PRKCB: variants seen among roughly 807,000 people sequenced by gnomAD.
PRKCB encodes the protein protein kinase C beta type.
PRKCB carries 13 observed loss-of-function variants against 81.5 expected under a neutral mutation model. That is an observed-to-expected ratio of 0.16 (90% CI 0.10 to 0.25). PRKCB has a LOEUF of 0.25. Among genes scored for constraint, PRKCB ranks in the 10% least tolerant of loss-of-function variants. The pLI, the probability that PRKCB is intolerant of heterozygous loss-of-function variation, is 1.00. For synonymous variants in PRKCB, 335 were observed against 321.4 expected (o/e 1.04, Z -0.45); for missense variants, 509 against 875.7 (o/e 0.58, Z 5.29).
At chr16:24,206,844 A>G (rs141294392) in intron 16 of PRKCB, among the ~76,000 whole-genome samples, 1,841 of 152,366 alleles carry the variant, frequency 0.012, 22 homozygotes, top group South Asian at 0.024. Flanking sequence ...TGCTCGGCAG[A>G]GGATCTACAA....
intron 2 of PRKCB, among the ~76,000 whole-genome samples, chr16:23,964,772 T>A (rs761244670): frequency 6.6e-6 from 1 of 151,104 alleles, no homozygotes; most frequent in Non-Finnish European, 1.5e-5. Context: ...GGGGTTCAAG[T>A]GATTCTCCTG....
chr16:24,070,441 G>T (rs900508461), intron 5 of PRKCB, among the ~76,000 whole-genome samples: 6 of 152,072 alleles, frequency 3.9e-5, no homozygotes, highest in African/African-American at 1.4e-4. Flanking sequence ...GAGCCGTTGC[G>T]CCCGGCCTTG....
At position 23,865,543 on chromosome 16, in the gene PRKCB, GTGTGTGTGTGTGTGTGTGTGTGTGTGTA is replaced by G. The variant is rs1446074028; in HGVS notation, c.205+28139_205+28166del. Among the ~76,000 whole-genome samples, 109 of 59,080 alleles carry G rather than the reference GTGTGTGTGTGTGTGTGTGTGTGTGTGTA, an allele frequency of 1.8e-3. 6 individuals carry two copies. Among genetic ancestry groups the G allele is most frequent in the African/African-American group, 3.0e-3 (40 of 13,342 alleles). 38.8% of individuals were successfully genotyped at this position (59,080 alleles called of 152,430 possible). A position where few individuals can be genotyped will look rare whatever the true frequency, so the allele number is the denominator to read the frequency against. ...TGTGTGTGTGTGTGTGTGTGTGTGT[GTGTGTGTGTGTGTGTGTGTGTGTGTGTA>G]TATGTATATTTAAATTTTTATATAT... On this transcript the variant is annotated intron_variant, in intron 2 of 16. Transcript: ENST00000643927.
chr16:24,165,618 A>G (rs890980147), intron 10 of PRKCB, among the ~76,000 whole-genome samples: 8 of 152,318 alleles, frequency 5.3e-5, no homozygotes, highest in Non-Finnish European at 1.0e-4. Context: ...AACACATTGC[A>G]TTTATTTTTA....
intron 2 of PRKCB, among the ~76,000 whole-genome samples, chr16:23,950,577 G>A (rs907358477): frequency 6.6e-6 from 1 of 152,156 alleles, no homozygotes; most frequent in African/African-American, 2.4e-5. Context: ...AATAGGCTGA[G>A]GTCTGTAGGG....
chr16:24,116,490 A>G (rs1292236052), intron 8 of PRKCB, among the ~76,000 whole-genome samples: 3 of 152,190 alleles, frequency 2.0e-5, no homozygotes, highest in Non-Finnish European at 4.4e-5. Context: ...GACATGCTGG[A>G]AGATAGTGAT....
At chr16:24,191,335 C>T (rs1474731851) in intron 16 of PRKCB, 105 bp downstream of exon 16, 5 of 1,313,860 alleles carry the variant, frequency 3.8e-6, no homozygotes, top group Non-Finnish European at 5.4e-6. Flanking sequence ...GTCAATGTGT[C>T]TACTGGAACA....
intron 2 of PRKCB, among the ~76,000 whole-genome samples, chr16:23,944,355 C>T (rs1964177351): frequency 6.6e-6 from 1 of 152,088 alleles, no homozygotes; most frequent in South Asian, 2.1e-4. Flanking sequence ...GTGTTTCTTT[C>T]TGAAACATTT....
intron 9 of PRKCB, among the ~76,000 whole-genome samples, chr16:24,131,868 G>A (rs1192391530): frequency 6.6e-6 from 1 of 152,174 alleles, no homozygotes; most frequent in East Asian, 1.9e-4. Flanking sequence ...ATGTAAGATT[G>A]AGGTGATTTG....
chr16:24,134,050 C>T (rs1474987538), intron 9 of PRKCB, among the ~76,000 whole-genome samples: 2 of 152,010 alleles, frequency 1.3e-5, no homozygotes, highest in South Asian at 2.1e-4. Context: ...CACATGCCAC[C>T]ACACCCAGCT....
chr16:23,895,340 C>T (rs1355940970), intron 2 of PRKCB, among the ~76,000 whole-genome samples: 3 of 152,026 alleles, frequency 2.0e-5, no homozygotes, highest in Admixed American at 6.5e-5. Flanking sequence ...CTCAAACAAC[C>T]ACCTCTTAAA....
At chr16:23,982,089 C>T (rs1371532495) in intron 2 of PRKCB, among the ~76,000 whole-genome samples, 2 of 111,910 alleles carry the variant, frequency 1.8e-5, no homozygotes, top group South Asian at 3.1e-4. Flanking sequence ...CTTTCCCTTC[C>T]CTTTCCTTTT....
chr16:23,912,097 G>A (rs1038527013), intron 2 of PRKCB, among the ~76,000 whole-genome samples: 2 of 151,940 alleles, frequency 1.3e-5, no homozygotes, highest in African/African-American at 2.4e-5. Flanking sequence ...CTCCCAAAGC[G>A]CTGGGATTAC....
chr16:24,185,026 C>T lies in PRKCB; in HGVS notation c.1534-85C>T, dbSNP rs931859342. 38 of 1,129,018 alleles carry T rather than the reference C, an allele frequency of 3.4e-5. No individual in the cohort carries two copies. The Admixed American group carries it at 4.7e-4, about 14-fold the overall frequency. 69.9% of individuals were successfully genotyped at this position (1,129,018 alleles called of 1,614,324 possible). ...AAGAAACAGTTCAGGTGGGCACTGG[C>T]CTTCTTGTAAAAGAAGAGTGAAATC... is the stretch of plus-strand genomic sequence containing the variant. On this transcript the variant is annotated intron_variant, in intron 13 of 16. Transcript: ENST00000643927.
At chr16:24,095,825 A>T (rs754338515) in intron 7 of PRKCB, among the ~76,000 whole-genome samples, 3 of 152,106 alleles carry the variant, frequency 2.0e-5, no homozygotes, top group Non-Finnish European at 4.4e-5. Flanking sequence ...TACAATAGTG[A>T]TCTTATCTGC....
At chr16:24,190,492 GT>G (rs11315093) in intron 15 of PRKCB, among the ~76,000 whole-genome samples, 32,936 of 123,132 alleles carry the variant, frequency 0.27, 3,828 homozygotes, top group South Asian at 0.38. Flanking sequence ...TTTTCTTTCT[GT>G]TTTTTTTTTT....
chr16:24,135,239 G>A (rs1199119582), intron 9 of PRKCB, among the ~76,000 whole-genome samples: 2 of 151,120 alleles, frequency 1.3e-5, no homozygotes, highest in Non-Finnish European at 2.9e-5. Flanking sequence ...CAAAGGCCAG[G>A]GTGCTTAACT....
chr16:23,990,290 C>G (rs967386012), intron 3 of PRKCB, among the ~76,000 whole-genome samples: 1 of 151,850 alleles, frequency 6.6e-6, no homozygotes, highest in African/African-American at 2.4e-5. Flanking sequence ...AACCCCGTCT[C>G]TACTAAAAAT....
intron 2 of PRKCB, among the ~76,000 whole-genome samples, chr16:23,863,357 CTG>C (rs1962717072): frequency 1.3e-5 from 2 of 151,634 alleles, no homozygotes; most frequent in Non-Finnish European, 2.9e-5. Flanking sequence ...TATGGAGTAA[CTG>C]TTCTTTCACC....
Sources: gnomAD v4.1 joint callset for allele counts (sites outside exome capture counted in the v4.1 genomes callset) on GRCh38, gnomAD v4.1.1 for gene constraint, MANE v1.5 for transcripts, NCBI Gene and HGNC (gene_info 2026-07-23, HGNC 2026-07-21) for gene names.